C16orf78: variants seen among roughly 807,000 people sequenced by gnomAD.
The protein encoded by C16orf78 is uncharacterized protein C16orf78.
Under a neutral mutation model 27.3 loss-of-function variants are expected in C16orf78, and 19 were observed. The observed-to-expected ratio is 0.70, with a 90% CI of 0.49 to 1.02. The LOEUF (loss-of-function observed/expected upper bound fraction) is 1.02. Ranked by LOEUF, C16orf78 falls within the 50% of genes least tolerant of loss-of-function variation. C16orf78 has a pLI of 0.00. For missense variants in C16orf78, 339 were observed against 337.0 expected, an observed-to-expected ratio of 1.01 and a Z score of -0.05; for synonymous variants, 130 against 116.1, an observed-to-expected ratio of 1.12 and a Z score of -0.77.
At chr16:49,390,196 A>G (rs1965395866) in intron 3 of C16orf78, among the ~76,000 whole-genome samples, 1 of 152,154 alleles carries the variant, frequency 6.6e-6, no homozygotes, top group South Asian at 2.1e-4. Flanking sequence ...GGAGCTTATG[A>G]TGTGCCTCAG....
chr16:49,394,312 T>A (rs1011012866), intron 3 of C16orf78, among the ~76,000 whole-genome samples: 4 of 152,106 alleles, frequency 2.6e-5, no homozygotes, highest in African/African-American at 9.7e-5. Flanking sequence ...GCAAACATAC[T>A]CAATGTATGA....
chr16:49,379,078 C>A (rs1321859859), intron 3 of C16orf78, among the ~76,000 whole-genome samples: 1 of 152,106 alleles, frequency 6.6e-6, no homozygotes, highest in Non-Finnish European at 1.5e-5. Flanking sequence ...CCTGGCTCTA[C>A]CACTTTATAA....
At chr16:49,393,247 A>G (rs1011995363) in intron 3 of C16orf78, among the ~76,000 whole-genome samples, 5 of 152,188 alleles carry the variant, frequency 3.3e-5, no homozygotes, top group African/African-American at 1.2e-4. Context: ...CACCTCCTTC[A>G]GAACCAAATA....
intron 3 of C16orf78, among the ~76,000 whole-genome samples, chr16:49,379,032 C>G (rs1596920260): frequency 6.6e-6 from 1 of 152,166 alleles, no homozygotes; most frequent in Non-Finnish European, 1.5e-5. Context: ...TAGGCTGTGC[C>G]AGATCCCCAA....
chr16:49,395,178 T>C (rs1471135169), intron 3 of C16orf78, among the ~76,000 whole-genome samples: 1 of 152,148 alleles, frequency 6.6e-6, no homozygotes, highest in African/African-American at 2.4e-5. Flanking sequence ...ATTATAGACA[T>C]GAGCCAGCAT....
chr16:49,398,647 T>C (rs1448064607), intron 4 of C16orf78, among the ~76,000 whole-genome samples: 6 of 152,232 alleles, frequency 3.9e-5, no homozygotes, highest in Admixed American at 2.6e-4. Context: ...CTTGGTATTG[T>C]CACAGCCACG....
At chr16:49,380,098 C>T (rs1424273507) in intron 3 of C16orf78, among the ~76,000 whole-genome samples, 1 of 152,212 alleles carries the variant, frequency 6.6e-6, no homozygotes, top group Non-Finnish European at 1.5e-5. Context: ...CTTTTGGACA[C>T]TTGACTCTAT....
In C16orf78 at chr16:49,399,189, G is replaced by A. The variant is rs994421800; in HGVS notation, c.709G>A (p.Gly237Arg). The A allele has an allele frequency of 1.9e-6, 3 of 1,614,190 alleles. No homozygotes were observed. The highest frequency in any genetic ancestry group is 1.6e-4 in the Middle Eastern group (1 of 6,062). ...CTTGCTCAAGTTGTGCAAGGATGCA[G>A]GAATGAATGTGGATATCCACCCCCA... is the stretch of plus-strand genomic sequence containing the variant. Reference protein sequence around the residue: ...RTLLKLCKDAGMNVDIHPHMV... With the variant: ...RTLLKLCKDARMNVDIHPHMV... Residue 237 changes from glycine (G) to arginine (R), a missense_variant, in exon 5 of 5, where the codon GGA becomes AGA. Physicochemically the swap from Gly to Arg is moderately radical, Grantham distance 125 (BLOSUM62 -2). Transcript: ENST00000299191.
chr16:49,375,708 G>A (rs1377568389), intron 1 of C16orf78, among the ~76,000 whole-genome samples: 1 of 152,098 alleles, frequency 6.6e-6, no homozygotes, highest in African/African-American at 2.4e-5. Flanking sequence ...GAAAGATCTC[G>A]AGTGCCAATT....
chr16:49,396,331 A>G (rs946038468), intron 3 of C16orf78, 92 bp from the exon 4 acceptor site: 2 of 1,420,096 alleles, frequency 1.4e-6, no homozygotes, highest in African/African-American at 1.4e-5. Context: ...TTTGAAGTCC[A>G]TGCATTCCTC....
chr16:49,381,108 C>T (rs1037958567), intron 3 of C16orf78, among the ~76,000 whole-genome samples: 31 of 152,068 alleles, frequency 2.0e-4, no homozygotes, highest in African/African-American at 5.8e-4. Flanking sequence ...ATTGACTTGG[C>T]GATGCGAGCT....
chr16:49,393,193 A>G (rs1275329045), intron 3 of C16orf78, among the ~76,000 whole-genome samples: 1 of 152,154 alleles, frequency 6.6e-6, no homozygotes, highest in East Asian at 1.9e-4. Context: ...CTTCCAACCC[A>G]CATCTCCCTC....
rs181780753 is a variant in C16orf78, at chr16:49,375,330, T to A, written c.150+1241T>A. Among the ~76,000 whole-genome samples, 117 of 149,372 alleles carry A rather than the reference T, an allele frequency of 7.8e-4. No individual in the cohort carries two copies. In the East Asian group the frequency reaches 0.018, roughly 22 times the overall value. ...AATACCTGAGACTGGGTCATTTATTTAAAAAAAAAATAAAAAAAAATGTTT... is the reference window on the plus strand; with the variant it reads ...AATACCTGAGACTGGGTCATTTATTAAAAAAAAAAATAAAAAAAAATGTTT... On this transcript the variant is annotated intron_variant, in intron 1 of 4. Transcript: ENST00000299191.
chr16:49,389,582 C>A (rs765264014), intron 3 of C16orf78, among the ~76,000 whole-genome samples: 2 of 152,014 alleles, frequency 1.3e-5, no homozygotes, highest in African/African-American at 2.4e-5. Flanking sequence ...GGTGACAGGG[C>A]GAGACTCTGT....
intron 3 of C16orf78, among the ~76,000 whole-genome samples, 164 bp from the exon 4 acceptor site, chr16:49,396,259 A>C (rs1965470510): frequency 6.6e-6 from 1 of 152,124 alleles, no homozygotes; most frequent in Admixed American, 6.5e-5. Flanking sequence ...AAGAAAGGGG[A>C]GAAGGGGTAT....
At chr16:49,386,959 C>T (rs1001054177) in intron 3 of C16orf78, among the ~76,000 whole-genome samples, 3 of 152,134 alleles carry the variant, frequency 2.0e-5, no homozygotes, top group Non-Finnish European at 4.4e-5. Flanking sequence ...TGGGTATATA[C>T]CTAGTCATGG....
chr16:49,391,454 C>G (rs1965411636), intron 3 of C16orf78, among the ~76,000 whole-genome samples: 2 of 152,186 alleles, frequency 1.3e-5, no homozygotes, highest in Admixed American at 1.3e-4. Flanking sequence ...ATCTCTTCAG[C>G]CACAAACCCA....
At chr16:49,376,885 C>A (rs905909490) in intron 1 of C16orf78, among the ~76,000 whole-genome samples, 8 of 152,156 alleles carry the variant, frequency 5.3e-5, no homozygotes, top group African/African-American at 1.9e-4. Context: ...GCAGTCTGAC[C>A]TGGACACTGC....
At chr16:49,382,242 C>T (rs575643697) in intron 3 of C16orf78, among the ~76,000 whole-genome samples, 1 of 152,012 alleles carries the variant, frequency 6.6e-6, no homozygotes, top group East Asian at 1.9e-4. Flanking sequence ...GGAAGGGGAA[C>T]GTCACACTCT....
Sources: gnomAD v4.1 joint callset for allele counts (sites outside exome capture counted in the v4.1 genomes callset) on GRCh38, gnomAD v4.1.1 for gene constraint, MANE v1.5 for transcripts, NCBI Gene and HGNC (gene_info 2026-07-23, HGNC 2026-07-21) for gene names.